Variants in SLC1A2 observed in about 807,000 individuals in gnomAD.
SLC1A2 encodes solute carrier family 1 member 2.
SLC1A2 carries 15 observed loss-of-function variants against 48.8 expected under a neutral mutation model. The observed-to-expected ratio is 0.31, with a 90% CI of 0.21 to 0.47. The LOEUF is 0.47. Among genes scored for constraint, SLC1A2 ranks in the 20% least tolerant of loss-of-function variants. SLC1A2 has a pLI of 0.99. For synonymous variants in SLC1A2, 279 were observed against 272.6 expected (o/e 1.02, Z -0.23); for missense variants, 502 against 730.5 (o/e 0.69, Z 3.61).
intron 6 of SLC1A2, chr11:35,299,168 T>A (rs1851264269): frequency 6.6e-6 from 1 of 152,166 alleles, no homozygotes; most frequent in African/African-American, 2.4e-5. Context: ...TGAAACCCTA[T>A]CTCTACTAAA....
chr11:35,366,642 T>C (rs7107752), intron 1 of SLC1A2, among the ~76,000 whole-genome samples: 120,392 of 152,094 alleles, frequency 0.79, 47,865 homozygotes, highest in East Asian at 0.95. Context: ...CATTCCCTGA[T>C]TGATGTTTCC....
intron 1 of SLC1A2, among the ~76,000 whole-genome samples, chr11:35,398,656 A>G (rs1855046794): frequency 6.6e-6 from 1 of 152,198 alleles, no homozygotes; most frequent in Non-Finnish European, 1.5e-5. Flanking sequence ...TACCCCTTGG[A>G]CCTAAAATAA....
chr11:35,412,854 CA>C (rs1042973602), intron 1 of SLC1A2, among the ~76,000 whole-genome samples: 6 of 152,302 alleles, frequency 3.9e-5, no homozygotes, highest in Non-Finnish European at 7.3e-5. Context: ...TGGGCTCTTT[CA>C]AAGCACTGCC....
intron 9 of SLC1A2, among the ~76,000 whole-genome samples, chr11:35,275,161 T>C (rs7121587): frequency 6.6e-6 from 1 of 151,966 alleles, no homozygotes; most frequent in Non-Finnish European, 1.5e-5. Context: ...AGGAATGCTG[T>C]TGGGAGGAGC....
At position 35,327,108 on chromosome 11, in the gene SLC1A2, G is replaced by A. The variant is rs910534439; in HGVS notation, c.18-9592C>T. On this transcript the variant is annotated intron_variant, in intron 1 of 10. Coordinates refer to ENST00000278379, the MANE Select transcript of SLC1A2 (RefSeq NM_004171.4). ...TTTGAAATTCTGAGGCCTCCACAGC[G>A]TTTCTTGAATGCTAGCAATTTTATT... Among the ~76,000 whole-genome samples the A allele has an allele frequency of 4.6e-5, 7 of 152,164 alleles. No individual in the cohort carries two copies. The South Asian group carries it at 8.3e-4, about 18-fold the overall frequency.
At chr11:35,332,846 AC>A in intron 1 of SLC1A2, among the ~76,000 whole-genome samples, 1 of 152,336 alleles carries the variant, frequency 6.6e-6, no homozygotes, top group South Asian at 2.1e-4. Flanking sequence ...AGCACACGCT[AC>A]CTAGAGAACA....
intron 1 of SLC1A2, among the ~76,000 whole-genome samples, chr11:35,372,263 C>T (rs1854086960): frequency 6.6e-6 from 1 of 152,242 alleles, no homozygotes; most frequent in Non-Finnish European, 1.5e-5. Flanking sequence ...CCAGACCCTC[C>T]TCACTTACAG....
intron 1 of SLC1A2, among the ~76,000 whole-genome samples, chr11:35,324,903 A>C (rs941290787): frequency 6.6e-6 from 1 of 152,196 alleles, no homozygotes; most frequent in Non-Finnish European, 1.5e-5. Context: ...CCAGGGCCCA[A>C]TGAGAGACTG....
chr11:35,332,900 A>G (rs991167804), intron 1 of SLC1A2, among the ~76,000 whole-genome samples: 2 of 152,272 alleles, frequency 1.3e-5, no homozygotes, highest in East Asian at 1.9e-4. Flanking sequence ...CTTCCTCCCC[A>G]TACTCTTCAG....
intron 7 of SLC1A2, chr11:35,292,055 T>C: frequency 6.0e-6 from 3 of 496,362 alleles, no homozygotes; most frequent in Non-Finnish European, 7.1e-6. Context: ...AAAAATTTAA[T>C]GTGAGATCGT....
intron 1 of SLC1A2, among the ~76,000 whole-genome samples, chr11:35,339,033 G>A (rs1323672386): frequency 1.3e-5 from 2 of 152,080 alleles, no homozygotes; most frequent in African/African-American, 4.8e-5. Context: ...AATTCTTTGG[G>A]GGATCATCTT....
intron 1 of SLC1A2, chr11:35,352,358 C>T (rs534758955): frequency 6.6e-6 from 1 of 152,330 alleles, no homozygotes; most frequent in South Asian, 2.1e-4. Context: ...TCCACGGTCC[C>T]TTATCAGTCC....
intron 3 of SLC1A2, among the ~76,000 whole-genome samples, chr11:35,312,762 C>T (rs1254142560): frequency 6.6e-6 from 1 of 152,202 alleles, no homozygotes; most frequent in African/African-American, 2.4e-5. Context: ...ATGCTATGTA[C>T]ATAACTGTTA....
chr11:35,360,292 T>C (rs1439094668), intron 1 of SLC1A2: 2 of 153,940 alleles, frequency 1.3e-5, no homozygotes, highest in African/African-American at 4.8e-5. Context: ...ATCAGTGTCA[T>C]CTTTGGCCTT....
intron 1 of SLC1A2, among the ~76,000 whole-genome samples, chr11:35,323,942 C>T (rs1036273116): frequency 6.6e-6 from 1 of 152,166 alleles, no homozygotes; most frequent in Non-Finnish European, 1.5e-5. Flanking sequence ...CAGGTCAATG[C>T]CTTGGGAACA....
chr11:35,290,416 T>C (rs1170846323), intron 7 of SLC1A2, among the ~76,000 whole-genome samples: 1 of 152,168 alleles, frequency 6.6e-6, no homozygotes, highest in Non-Finnish European at 1.5e-5. Flanking sequence ...ACTTTTATGA[T>C]ACGTTGACCA....
At chr11:35,342,787 CAAAAAAATAAAATT>C (rs1489005766) in intron 1 of SLC1A2, among the ~76,000 whole-genome samples, 3 of 92,972 alleles carry the variant, frequency 3.2e-5, no homozygotes, top group African/African-American at 8.3e-5. Flanking sequence ...GACCTTGTCT[CAAAAAAATAAAATT>C]AAAAAAATAA....
chr11:35,333,048 G>A (rs142176673), intron 1 of SLC1A2, among the ~76,000 whole-genome samples: 12 of 152,164 alleles, frequency 7.9e-5, no homozygotes, highest in East Asian at 7.7e-4. Context: ...TTCCCCATCC[G>A]CACACAGCTG....
At chr11:35,305,372 G>C (rs1851471855) in intron 5 of SLC1A2, among the ~76,000 whole-genome samples, 1 of 152,186 alleles carries the variant, frequency 6.6e-6, no homozygotes, top group Non-Finnish European at 1.5e-5. Context: ...CTACAAAATA[G>C]ATGCCAATCC....
Sources: gnomAD v4.1 joint callset for allele counts (sites outside exome capture counted in the v4.1 genomes callset) on GRCh38, gnomAD v4.1.1 for gene constraint, MANE v1.5 for transcripts, NCBI Gene and HGNC (gene_info 2026-07-23, HGNC 2026-07-21) for gene names.